Variants in CELF2 observed in about 807,000 individuals in gnomAD.
The protein encoded by CELF2 is CUGBP Elav-like family member 2, also known as CUG triplet repeat RNA-binding protein 2.
A neutral mutation model predicts 62.6 loss-of-function variants in CELF2; 8 were observed. The observed-to-expected ratio is 0.13, with a 90% CI of 0.07 to 0.23. The LOEUF is 0.23. Ranked by LOEUF, CELF2 falls within the 10% of genes least tolerant of loss-of-function variation. The probability of loss-of-function intolerance (pLI) is 1.00; values close to 1 mark genes in which losing one functional copy is unlikely to be tolerated. For synonymous variants in CELF2, 258 were observed against 250.0 expected (o/e 1.03, Z -0.30); for missense variants, 333 against 671.0 (o/e 0.50, Z 5.56).
the CELF2 span, among the ~76,000 whole-genome samples, chr10:10,553,901 C>T: frequency 1.4e-4 from 21 of 152,094 alleles, no homozygotes; most frequent in African/African-American, 4.1e-4. Context: ...GAGCTGTGGT[C>T]GCACCCAATG....
chr10:11,035,327 A>G (rs1442815865), intron 1 of CELF2, among the ~76,000 whole-genome samples: 1 of 152,188 alleles, frequency 6.6e-6, no homozygotes. Flanking sequence ...CTGCTGGGAG[A>G]TGTCTCTCTA....
At chr10:11,139,733 C>T (rs1198325929) in intron 1 of CELF2, among the ~76,000 whole-genome samples, 3 of 152,158 alleles carry the variant, frequency 2.0e-5, no homozygotes, top group Non-Finnish European at 4.4e-5. Context: ...CCCCTGCTAT[C>T]TGATGACTTG....
chr10:10,473,138 C>T, the CELF2 span, among the ~76,000 whole-genome samples: 2 of 151,964 alleles, frequency 1.3e-5, no homozygotes, highest in Non-Finnish European at 2.9e-5. Context: ...AAGGTCATTG[C>T]TGATGCAGTT....
chr10:10,587,825 G>A, the CELF2 span, among the ~76,000 whole-genome samples: 1 of 152,110 alleles, frequency 6.6e-6, no homozygotes, highest in Non-Finnish European at 1.5e-5. Context: ...GGAGAAATGA[G>A]GGCTTGACTA....
At chr10:11,312,701 C>T (rs913725237) in intron 9 of CELF2, among the ~76,000 whole-genome samples, 2 of 152,086 alleles carry the variant, frequency 1.3e-5, no homozygotes, top group Non-Finnish European at 2.9e-5. Context: ...TTTGGGAGGC[C>T]GAGGCGGGCG....
intron 3 of CELF2, 51 bp from the exon 4 acceptor site, chr10:11,249,102 A>AT (rs2076414201): frequency 6.9e-7 from 1 of 1,458,286 alleles, no homozygotes; most frequent in East Asian, 2.3e-5. Flanking sequence ...TTCTGAGATG[A>AT]TTTTTACAGT....
At chr10:10,488,413 G>A in the CELF2 span, among the ~76,000 whole-genome samples, 1 of 152,126 alleles carries the variant, frequency 6.6e-6, no homozygotes, top group East Asian at 1.9e-4. Flanking sequence ...ATACTTGCCT[G>A]ATAGACTTGT....
the CELF2 span, among the ~76,000 whole-genome samples, chr10:10,610,166 G>A: frequency 6.6e-6 from 1 of 152,160 alleles, no homozygotes; most frequent in South Asian, 2.1e-4. Context: ...AACACATTGA[G>A]CCTTGCTTTT....
intron 1 of CELF2, among the ~76,000 whole-genome samples, chr10:10,886,055 C>A (rs771762833): frequency 2.6e-5 from 4 of 152,216 alleles, no homozygotes; most frequent in Non-Finnish European, 5.9e-5. Flanking sequence ...TTCTAATAAT[C>A]TGGATGGGTG....
At chr10:10,676,233 T>A in the CELF2 span, among the ~76,000 whole-genome samples, 1 of 152,174 alleles carries the variant, frequency 6.6e-6, no homozygotes, top group Non-Finnish European at 1.5e-5. Context: ...TGGAGTGGGC[T>A]AGAGTTGAGT....
chr10:11,229,576 G>C (rs1161548617), intron 3 of CELF2, among the ~76,000 whole-genome samples: 1 of 151,942 alleles, frequency 6.6e-6, no homozygotes, highest in Non-Finnish European at 1.5e-5. Context: ...AGACTCACTT[G>C]GGATGAGAGT....
intron 1 of CELF2, among the ~76,000 whole-genome samples, chr10:11,133,626 T>C (rs2059948301): frequency 1.3e-5 from 2 of 152,208 alleles, no homozygotes; most frequent in African/African-American, 4.8e-5. Flanking sequence ...CCTAATCTGA[T>C]ACATATAATC....
chr10:10,829,789 G>A (rs1267631888), intron 1 of CELF2, among the ~76,000 whole-genome samples: 1 of 152,184 alleles, frequency 6.6e-6, no homozygotes. Context: ...ACAGTGGCCT[G>A]GCTGAACTGA....
intron 2 of CELF2, among the ~76,000 whole-genome samples, chr10:11,206,915 G>C (rs1171529824): frequency 6.6e-6 from 1 of 152,170 alleles, no homozygotes. Flanking sequence ...CCTTTCTGAT[G>C]CTCAGAGCAG....
At chr10:10,588,225 G>A in the CELF2 span, among the ~76,000 whole-genome samples, 1 of 152,118 alleles carries the variant, frequency 6.6e-6, no homozygotes, top group Non-Finnish European at 1.5e-5. Context: ...ACACCCTGGT[G>A]TCTTCAGGGG....
intron 1 of CELF2, among the ~76,000 whole-genome samples, chr10:11,018,454 C>T (rs1226350092): frequency 6.6e-6 from 1 of 150,706 alleles, no homozygotes; most frequent in African/African-American, 2.4e-5. Flanking sequence ...GGGCCGAGCG[C>T]GGCGTCCCGG....
At chr10:10,762,677 G>T in the CELF2 span, among the ~76,000 whole-genome samples, 1 of 152,142 alleles carries the variant, frequency 6.6e-6, no homozygotes, top group Non-Finnish European at 1.5e-5. Flanking sequence ...ATGCCAGTGG[G>T]CTTTAATATG....
At chr10:10,847,020 A>T (rs1240445658) in intron 1 of CELF2, among the ~76,000 whole-genome samples, 2 of 152,146 alleles carry the variant, frequency 1.3e-5, no homozygotes, top group African/African-American at 4.8e-5. Context: ...TACAGACTTG[A>T]TATGTAATTT....
At chr10:10,544,282 C>A in the CELF2 span, among the ~76,000 whole-genome samples, 1 of 152,162 alleles carries the variant, frequency 6.6e-6, no homozygotes, top group Non-Finnish European at 1.5e-5. Context: ...TCTTACTCCT[C>A]CTGGCAGGGA....
Sources: gnomAD v4.1 joint callset for allele counts (sites outside exome capture counted in the v4.1 genomes callset) on GRCh38, gnomAD v4.1.1 for gene constraint, MANE v1.5 for transcripts, NCBI Gene and HGNC (gene_info 2026-07-23, HGNC 2026-07-21) for gene names.